SGK3: variants seen among roughly 807,000 people sequenced by gnomAD.
SGK3 encodes serine/threonine-protein kinase Sgk3.
Under a neutral mutation model 68.5 loss-of-function variants are expected in SGK3, and 47 were observed. The observed-to-expected ratio is 0.69, with a 90% CI of 0.54 to 0.87. The LOEUF is 0.87. Among genes scored for constraint, SGK3 ranks in the 40% least tolerant of loss-of-function variants. SGK3 has a pLI of 0.00. For synonymous variants in SGK3, 181 were observed against 189.1 expected, an observed-to-expected ratio of 0.96 and a Z score of 0.35; for missense variants, 479 against 575.5, an observed-to-expected ratio of 0.83 and a Z score of 1.72.
chr8:66,765,372 A>G (rs544532887), intron 1 of SGK3, among the ~76,000 whole-genome samples: 31 of 152,148 alleles, frequency 2.0e-4, no homozygotes, highest in African/African-American at 5.6e-4. Context: ...AGAAATGTCT[A>G]CTTAAGTCTT....
At chr8:66,813,795 T>C in intron 4 of SGK3, 58 bp from the exon 5 acceptor site, 1 of 1,419,170 alleles carries the variant, frequency 7.0e-7, no homozygotes, top group Admixed American at 2.5e-5. Context: ...ATATAACTGT[T>C]GATGATAATT....
chr8:66,718,135 C>T (rs1804690027), intron 1 of SGK3, among the ~76,000 whole-genome samples: 1 of 151,914 alleles, frequency 6.6e-6, no homozygotes, highest in African/African-American at 2.4e-5. Flanking sequence ...AAGCGATTCT[C>T]CTGCCTCAGC....
chr8:66,780,222 A>G (rs1294858071), intron 1 of SGK3, among the ~76,000 whole-genome samples: 2 of 152,210 alleles, frequency 1.3e-5, no homozygotes, highest in African/African-American at 4.8e-5. Flanking sequence ...CTGATGAAGG[A>G]ATAATGAGGC....
chr8:66,757,136 T>A (rs994344361), intron 1 of SGK3, among the ~76,000 whole-genome samples: 2 of 149,848 alleles, frequency 1.3e-5, no homozygotes, highest in Non-Finnish European at 3.0e-5. Flanking sequence ...CCTATTTTTT[T>A]TTTTTTTTTT....
intron 7 of SGK3, among the ~76,000 whole-genome samples, 157 bp downstream of exon 7, chr8:66,828,860 C>T (rs1259036344): frequency 2.6e-5 from 4 of 151,108 alleles, no homozygotes; most frequent in African/African-American, 9.7e-5. Flanking sequence ...CTTGTATGCT[C>T]CAGCTTTTCA....
intron 1 of SGK3, among the ~76,000 whole-genome samples, chr8:66,752,084 G>A (rs1316584551): frequency 6.6e-6 from 1 of 152,076 alleles, no homozygotes; most frequent in Non-Finnish European, 1.5e-5. Context: ...TTTATTGAAA[G>A]GTCAATCTTT....
chr8:66,835,397 T>C (rs575351606), intron 8 of SGK3, among the ~76,000 whole-genome samples: 4 of 152,272 alleles, frequency 2.6e-5, no homozygotes, highest in African/African-American at 9.6e-5. Context: ...TAAAAAACAT[T>C]TCCTTATCCT....
In SGK3 at chr8:66,798,551, G is replaced by A; in HGVS notation, c.106G>A (p.Val36Ile). ...TTTTTTATTTCCACAGGTTTATAAA[G>A]TTCTGGTTTCAGTGGGAAGAAGTGA... ...EKKKRFTVYK[V>I]LVSVGRSEWF... Residue 36 changes from valine to isoleucine, a missense_variant, in exon 3 of 17, where the codon GTT (valine) becomes ATT (isoleucine). Transcript: ENST00000521198. 1.2e-6 allele frequency: 2 copies of A among 1,610,044 alleles called. No homozygotes were observed. Among genetic ancestry groups the A allele is most frequent in the Admixed American group, 1.7e-5 (1 of 59,784 alleles).
chr8:66,831,227 C>G (rs1289878259), intron 7 of SGK3, 27 bp from the exon 8 acceptor site: 2 of 1,612,182 alleles, frequency 1.2e-6, no homozygotes, highest in East Asian at 2.2e-5. Context: ...TTCTAGGAGG[C>G]TAATTCTTAT....
chr8:66,836,649 AG>A (rs932942160), intron 10 of SGK3, among the ~76,000 whole-genome samples: 5 of 151,312 alleles, frequency 3.3e-5, no homozygotes, highest in Non-Finnish European at 5.9e-5. Flanking sequence ...AAAAAAAAAA[AG>A]GCTTTATGAT....
intron 13 of SGK3, among the ~76,000 whole-genome samples, chr8:66,841,800 C>CA (rs1464609859): frequency 1.3e-5 from 2 of 151,910 alleles, no homozygotes; most frequent in Non-Finnish European, 2.9e-5. Context: ...TGTTAGCTAG[C>CA]AAAAAAAGTA....
At chr8:66,786,057 A>G (rs565149945) in intron 1 of SGK3, among the ~76,000 whole-genome samples, 2 of 152,270 alleles carry the variant, frequency 1.3e-5, no homozygotes, top group Admixed American at 1.3e-4. Flanking sequence ...TTTTATGTCA[A>G]TCCCCTTCTT....
At chr8:66,736,111 A>G (rs1201034678) in intron 1 of SGK3, among the ~76,000 whole-genome samples, 1 of 152,198 alleles carries the variant, frequency 6.6e-6, no homozygotes, top group Non-Finnish European at 1.5e-5. Flanking sequence ...TACCCAGATT[A>G]TAGGTCGAAT....
intron 1 of SGK3, among the ~76,000 whole-genome samples, chr8:66,734,156 C>A (rs1025304681): frequency 1.3e-5 from 2 of 150,246 alleles, no homozygotes; most frequent in African/African-American, 4.9e-5. Context: ...GTATTACTTT[C>A]TGGATCTGTG....
intron 3 of SGK3, among the ~76,000 whole-genome samples, chr8:66,800,963 T>G (rs1807920659): frequency 6.6e-6 from 1 of 152,180 alleles, no homozygotes; most frequent in Non-Finnish European, 1.5e-5. Flanking sequence ...CTTGAGACCC[T>G]GTCTCAAAAC....
At chr8:66,788,146 C>A (rs79850496) in intron 1 of SGK3, among the ~76,000 whole-genome samples, 2 of 152,146 alleles carry the variant, frequency 1.3e-5, no homozygotes, top group Admixed American at 1.3e-4. Flanking sequence ...AGAAAACTTA[C>A]AAGAAGGAGG....
intron 1 of SGK3, among the ~76,000 whole-genome samples, chr8:66,755,408 C>T (rs541268672): frequency 4.9e-4 from 74 of 152,302 alleles, no homozygotes; most frequent in African/African-American, 1.7e-3. Context: ...TGTGCACCTG[C>T]GTTTTAACTG....
intron 8 of SGK3, among the ~76,000 whole-genome samples, chr8:66,833,375 C>G (rs1265355762): frequency 6.6e-6 from 1 of 152,120 alleles, no homozygotes; most frequent in African/African-American, 2.4e-5. Flanking sequence ...GTTCATTGGC[C>G]TATCTGTTTA....
intron 1 of SGK3, among the ~76,000 whole-genome samples, chr8:66,787,078 G>A (rs1228932945): frequency 6.6e-6 from 1 of 151,576 alleles, no homozygotes; most frequent in African/African-American, 2.4e-5. Context: ...CGAGTAGCTG[G>A]GATTACAGGC....
Sources: allele counts gnomAD v4.1 joint callset (sites outside exome capture counted in the v4.1 genomes callset), GRCh38; gene constraint gnomAD v4.1.1; transcripts MANE v1.5; gene names NCBI Gene and HGNC (gene_info 2026-07-23, HGNC 2026-07-21).